NECAB1: variants seen among roughly 807,000 people sequenced by gnomAD.
NECAB1 encodes N-terminal EF-hand calcium binding protein 1.
NECAB1 carries 29 observed loss-of-function variants against 57.5 expected under a neutral mutation model. The observed-to-expected ratio is 0.50, with a 90% confidence interval of 0.38 to 0.69. NECAB1 has a LOEUF of 0.69. Among genes scored for constraint, NECAB1 ranks in the 30% least tolerant of loss-of-function variants. NECAB1 has a pLI of 0.00. For missense variants in NECAB1, 372 were observed against 413.8 expected, an observed-to-expected ratio of 0.90 and a Z score of 0.88; for synonymous variants, 142 against 147.7, an observed-to-expected ratio of 0.96 and a Z score of 0.28.
chr8:90,792,539 C>T (rs1811593623), intron 1 of NECAB1, among the ~76,000 whole-genome samples: 1 of 152,092 alleles, frequency 6.6e-6, no homozygotes, highest in African/African-American at 2.4e-5. Context: ...TCACTGCCAC[C>T]TCTTCTATTT....
rs115540296 is a variant in NECAB1 at position 90,830,061 on chromosome 8, A to C, written c.233+5236A>C. Among the ~76,000 whole-genome samples, 304 of 152,186 alleles carry C rather than the reference A, an allele frequency of 2.0e-3. 1 individual carries two copies. The highest frequency in any genetic ancestry group is 7.1e-3 in the African/African-American group (294 of 41,562). ...TAAAGCTTGATGAGTTAGGTGATGA[A>C]GCCCCTTTCTTTCTTGAGTTATCTT... On this transcript the variant is annotated intron_variant, in intron 3 of 12. Coordinates refer to ENST00000417640, the MANE Select transcript of NECAB1 (RefSeq NM_022351.5).
chr8:90,850,899 C>A (rs957567099), intron 3 of NECAB1, among the ~76,000 whole-genome samples: 3 of 152,110 alleles, frequency 2.0e-5, no homozygotes, highest in Admixed American at 6.5e-5. Flanking sequence ...TGAGTTTATG[C>A]TAATAAGGTG....
chr8:90,931,052 A>G (rs1218379407), intron 8 of NECAB1, among the ~76,000 whole-genome samples: 1 of 152,036 alleles, frequency 6.6e-6, no homozygotes, highest in Non-Finnish European at 1.5e-5. Flanking sequence ...AGTATGTGAC[A>G]TTTCTTTTTT....
chr8:90,808,640 CTTTTT>C (rs200075536), intron 2 of NECAB1, among the ~76,000 whole-genome samples: 6 of 81,278 alleles, frequency 7.4e-5, no homozygotes, highest in African/African-American at 1.6e-4. Context: ...TTTTTCTTTT[CTTTTT>C]TTTTTTTTTT....
At chr8:90,949,747 A>G in intron 10 of NECAB1, 60 bp from the exon 11 acceptor site, 1 of 971,416 alleles carries the variant, frequency 1.0e-6, no homozygotes, top group South Asian at 1.5e-5. Context: ...GGATATTAGA[A>G]AAGTTAGCTT....
chr8:90,826,797 A>G (rs1251161795), intron 3 of NECAB1, among the ~76,000 whole-genome samples: 1 of 151,810 alleles, frequency 6.6e-6, no homozygotes, highest in Non-Finnish European at 1.5e-5. Flanking sequence ...TATTTATATA[A>G]TTATTAATTT....
chr8:90,854,098 C>T (rs974821189), intron 3 of NECAB1, among the ~76,000 whole-genome samples: 2 of 152,146 alleles, frequency 1.3e-5, no homozygotes, highest in Non-Finnish European at 2.9e-5. Context: ...GACAAAGGAA[C>T]TCAGATAAGA....
intron 2 of NECAB1, among the ~76,000 whole-genome samples, chr8:90,823,076 C>T (rs1226615998): frequency 6.6e-6 from 1 of 151,760 alleles, no homozygotes; most frequent in Non-Finnish European, 1.5e-5. Flanking sequence ...AAAACTACCT[C>T]ATTCAAAAAC....
Position 90,825,794 on chromosome 8 carries a change from A to G in NECAB1, c.233+969A>G, listed in dbSNP as rs889466932. ...TTTCTTGACTTCATTGGGGTTTCAA[A>G]TTCTTCATCAAACAGCTTAAGTATT... On this transcript the variant is annotated intron_variant, in intron 3 of 12. Transcript: ENST00000417640. Among the ~76,000 whole-genome samples the G allele has an allele frequency of 4.6e-5, 7 of 151,890 alleles. 1 individual carries two copies. The highest frequency in any genetic ancestry group is 1.7e-4 in the African/African-American group (7 of 41,414).
intron 3 of NECAB1, among the ~76,000 whole-genome samples, chr8:90,860,746 G>C (rs1422445393): frequency 6.6e-6 from 1 of 152,192 alleles, no homozygotes; most frequent in Non-Finnish European, 1.5e-5. Flanking sequence ...GCAGTGGTCA[G>C]AGAGATAATT....
At chr8:90,830,045 A>T (rs911613574) in intron 3 of NECAB1, among the ~76,000 whole-genome samples, 1 of 152,042 alleles carries the variant, frequency 6.6e-6, no homozygotes, top group African/African-American at 2.4e-5. Flanking sequence ...CTAAAGCTTG[A>T]TGAGTTAGGT....
chr8:90,947,549 T>C (rs545796053), intron 10 of NECAB1, among the ~76,000 whole-genome samples: 12 of 152,070 alleles, frequency 7.9e-5, no homozygotes, highest in Admixed American at 7.2e-4. Flanking sequence ...TACAGGCACA[T>C]GCCACTGTGC....
intron 5 of NECAB1, among the ~76,000 whole-genome samples, chr8:90,904,451 A>C (rs1236110271): frequency 2.6e-5 from 4 of 152,070 alleles, no homozygotes; most frequent in African/African-American, 9.7e-5. Flanking sequence ...TTTGCTAAAC[A>C]TTTAAAAAAT....
At chr8:90,820,977 T>C (rs1363236274) in intron 2 of NECAB1, among the ~76,000 whole-genome samples, 3 of 151,924 alleles carry the variant, frequency 2.0e-5, no homozygotes, top group African/African-American at 7.2e-5. Context: ...ATTTACGAAA[T>C]CTGAAACTTA....
intron 8 of NECAB1, among the ~76,000 whole-genome samples, chr8:90,932,201 A>G (rs985410662): frequency 6.6e-6 from 1 of 152,164 alleles, no homozygotes; most frequent in Non-Finnish European, 1.5e-5. Flanking sequence ...TACAGTTTCT[A>G]TCTGTGGAGT....
chr8:90,824,702 T>C lies in NECAB1; in HGVS notation c.125-15T>C. ...AATTAAAATAATTTGTGTCTCTTTG[T>C]TCTTGCCATTTCAGATGATGGAAAA... On this transcript the variant is annotated splice_polypyrimidine_tract_variant and intron_variant, in intron 2 of 12. Transcript: ENST00000417640. The C allele has an allele frequency of 6.8e-7, 1 of 1,461,918 alleles. No individual in the cohort carries two copies. The highest frequency in any genetic ancestry group is 9.3e-7 in the Non-Finnish European group (1 of 1,075,562). The allele number at this position is 1,461,918 out of a possible 1,614,324, so 90.6% of individuals were successfully genotyped here.
At chr8:90,813,464 C>T (rs1001874792) in intron 2 of NECAB1, among the ~76,000 whole-genome samples, 10 of 151,888 alleles carry the variant, frequency 6.6e-5, no homozygotes, top group African/African-American at 2.2e-4. Flanking sequence ...AATGTAGAGT[C>T]AGCTTTTAAT....
At position 90,959,034 on chromosome 8, in the gene NECAB1, TA is replaced by T; in HGVS notation, c.*3524del. 1 of 1,334,654 alleles carries T rather than the reference TA, an allele frequency of 7.5e-7. No homozygotes were observed. Among genetic ancestry groups the T allele is most frequent in the Non-Finnish European group, 1.0e-6 (1 of 990,176 alleles). 82.7% of individuals were successfully genotyped at this position (1,334,654 alleles called of 1,614,324 possible). The stretch of plus-strand genomic sequence containing the variant: ...ACTTAAAACTTTGGTTGTTTTCCTG[TA>T]ATATAAAAGAAAAAGTTAATTTATC... On this transcript the variant is annotated 3_prime_UTR_variant, in exon 13 of 13. Coordinates refer to ENST00000417640, the MANE Select transcript of NECAB1 (RefSeq NM_022351.5).
At chr8:90,930,630 T>C (rs1272296732) in intron 8 of NECAB1, among the ~76,000 whole-genome samples, 1 of 152,216 alleles carries the variant, frequency 6.6e-6, no homozygotes, top group African/African-American at 2.4e-5. Context: ...AACAACCCTA[T>C]AGAGTTCTTG....
Sources: gnomAD v4.1 joint callset for allele counts (sites outside exome capture counted in the v4.1 genomes callset) on GRCh38, gnomAD v4.1.1 for gene constraint, MANE v1.5 for transcripts, NCBI Gene and HGNC (gene_info 2026-07-23, HGNC 2026-07-21) for gene names.